POT1: variants seen among roughly 807,000 people sequenced by gnomAD.
POT1 encodes protection of telomeres protein 1.
Under a neutral mutation model 78.5 loss-of-function variants are expected in POT1, and 47 were observed. The ratio of observed to expected loss-of-function variants is 0.60; its 90% CI spans 0.47 to 0.76. POT1 has a LOEUF of 0.76. POT1 is among the 30% of genes least tolerant of loss of function. The pLI is 0.00. For synonymous variants in POT1, 259 were observed against 260.7 expected, an observed-to-expected ratio of 0.99 and a Z score of 0.06; for missense variants, 646 against 749.9, an observed-to-expected ratio of 0.86 and a Z score of 1.62.
chr7:124,922,111 A>G lies in POT1; in HGVS notation c.-226-6465T>C, dbSNP rs542146290. Among the ~76,000 whole-genome samples the G allele has an allele frequency of 2.6e-5, 4 of 152,098 alleles. No individual in the cohort carries two copies. In the East Asian group the frequency reaches 7.7e-4, roughly 29 times the overall value. Reference sequence around the variant, plus strand: ...AGTGGACCGGCATCTCTATAGTCCTAAAAGAAAAAAAAAGTCAACACAGAA... The same window carrying G: ...AGTGGACCGGCATCTCTATAGTCCTGAAAGAAAAAAAAAGTCAACACAGAA... On this transcript the variant is annotated intron_variant, in intron 2 of 18. Coordinates refer to ENST00000357628, the MANE Select transcript of POT1 (RefSeq NM_015450.3).
intron 15 of POT1, among the ~76,000 whole-genome samples, chr7:124,832,007 A>AAAT (rs1554417208): frequency 9.0e-5 from 13 of 143,876 alleles, no homozygotes; most frequent in Admixed American, 1.4e-4. Flanking sequence ...AATAAAAAAA[A>AAAT]AAAAAAAAAA....
In POT1 at chr7:124,859,122, G is replaced by A. The variant is rs1413025095; in HGVS notation, c.547-10C>T. On this transcript the variant is annotated splice_polypyrimidine_tract_variant and intron_variant, in intron 8 of 18. Coordinates refer to ENST00000357628, the MANE Select transcript of POT1 (RefSeq NM_015450.3). Reference sequence around the variant, plus strand: ...TGGTGCCATCCCATACCTGCCATAAGAGAGTAGAGTAGTTTTATGATCCTT... The same window carrying A: ...TGGTGCCATCCCATACCTGCCATAAAAGAGTAGAGTAGTTTTATGATCCTT... 1.3e-6 allele frequency: 2 copies of A among 1,556,826 alleles called. No individual in the cohort carries two copies. Among genetic ancestry groups the A allele is most frequent in the African/African-American group, 1.4e-5 (1 of 73,382 alleles).
At chr7:124,877,968 T>C (rs1356464324) in intron 6 of POT1, among the ~76,000 whole-genome samples, 1 of 150,560 alleles carries the variant, frequency 6.6e-6, no homozygotes, top group Non-Finnish European at 1.5e-5. Flanking sequence ...ATACATGGAA[T>C]CTAAAAAAGT....
At chr7:124,872,486 T>G (rs1352224230) in intron 6 of POT1, among the ~76,000 whole-genome samples, 1 of 152,198 alleles carries the variant, frequency 6.6e-6, no homozygotes, top group Non-Finnish European at 1.5e-5. Context: ...CCCTGCCTGT[T>G]TGTCACTTAG....
intron 15 of POT1, among the ~76,000 whole-genome samples, chr7:124,834,760 T>C (rs1375241113): frequency 6.6e-6 from 1 of 152,140 alleles, no homozygotes; most frequent in Non-Finnish European, 1.5e-5. Flanking sequence ...ACCCAAAGGA[T>C]TATAAATCAT....
At chr7:124,857,080 C>T (rs1349748091) in intron 9 of POT1, among the ~76,000 whole-genome samples, 1 of 151,948 alleles carries the variant, frequency 6.6e-6, no homozygotes, top group Non-Finnish European at 1.5e-5. Context: ...TTTTCTGTAA[C>T]CCAGAACAGT....
rs1236706876 is a variant in POT1 at position 124,822,533 on chromosome 7, C to G, written c.*1429G>C. 1 of 455,888 alleles carries G rather than the reference C, an allele frequency of 2.2e-6. No homozygotes were observed. Among genetic ancestry groups the G allele is most frequent in the Admixed American group, 2.3e-5 (1 of 42,568 alleles). 28.2% of individuals were successfully genotyped at this position (455,888 alleles called of 1,614,324 possible). ...CATATGGCACCTTTGGACCTCTACT[C>G]TTCTAGATTGAGGGCTTCCTGAAGG... On this transcript the variant is annotated 3_prime_UTR_variant, in exon 19 of 19. Transcript: ENST00000357628.
chr7:124,853,229 G>C (rs554756768), intron 9 of POT1, 91 bp from the exon 10 acceptor site: 2 of 944,780 alleles, frequency 2.1e-6, no homozygotes, highest in Admixed American at 2.7e-5. Flanking sequence ...TGGGGCCAAT[G>C]AGGGCACTGA....
chr7:124,847,726 TAGAG>T (rs1795206429), intron 11 of POT1, among the ~76,000 whole-genome samples: 1 of 152,318 alleles, frequency 6.6e-6, no homozygotes, highest in African/African-American at 2.4e-5. Context: ...TTAAATTAAA[TAGAG>T]AGCCTGGAAA....
At chr7:124,929,214 AGT>A (rs1797348447) in intron 1 of POT1, among the ~76,000 whole-genome samples, 1 of 152,204 alleles carries the variant, frequency 6.6e-6, no homozygotes, top group Non-Finnish European at 1.5e-5. Flanking sequence ...AGCTGCGTAA[AGT>A]ACCTCCAAAA....
intron 9 of POT1, 34 bp from the exon 10 acceptor site, chr7:124,853,172 G>A: frequency 6.8e-7 from 1 of 1,470,462 alleles, no homozygotes; most frequent in South Asian, 1.3e-5. Context: ...TTAGAAAGTG[G>A]GGAAAAATTA....
intron 6 of POT1, among the ~76,000 whole-genome samples, chr7:124,891,143 C>T (rs1168057599): frequency 6.6e-6 from 1 of 151,690 alleles, no homozygotes; most frequent in Non-Finnish European, 1.5e-5. Context: ...AATTGTGTTG[C>T]TGTCTATTTC....
At chr7:124,860,863 T>C (rs2116533111) in intron 8 of POT1, among the ~76,000 whole-genome samples, 1 of 152,130 alleles carries the variant, frequency 6.6e-6, no homozygotes, top group South Asian at 2.1e-4. Context: ...CGGTGTTTGG[T>C]TTTCCGTTCT....
chr7:124,899,804 T>C (rs76961962), intron 3 of POT1, among the ~76,000 whole-genome samples: 1 of 152,162 alleles, frequency 6.6e-6, no homozygotes, highest in Non-Finnish European at 1.5e-5. Context: ...AAGTAAATAT[T>C]ATACACCAAA....
chr7:124,875,821 C>T (rs922175910), intron 6 of POT1, among the ~76,000 whole-genome samples: 2 of 152,104 alleles, frequency 1.3e-5, no homozygotes, highest in Admixed American at 1.3e-4. Context: ...TTTCACCATA[C>T]GTTATTCTGG....
chr7:124,893,582 A>G (rs964235737), intron 5 of POT1, among the ~76,000 whole-genome samples: 2 of 151,510 alleles, frequency 1.3e-5, no homozygotes, highest in Non-Finnish European at 3.0e-5. Context: ...AACTATCTGA[A>G]ATCAGTTGAA....
chr7:124,845,852 T>C (rs1795150634), intron 12 of POT1, among the ~76,000 whole-genome samples: 1 of 152,146 alleles, frequency 6.6e-6, no homozygotes, highest in Non-Finnish European at 1.5e-5. Context: ...CTTTACTCAA[T>C]TAGTATTATT....
chr7:124,888,929 CACA>C (rs535606599), intron 6 of POT1, among the ~76,000 whole-genome samples: 3 of 151,886 alleles, frequency 2.0e-5, no homozygotes, highest in Admixed American at 6.6e-5. Context: ...TTCTCTGAAA[CACA>C]ACAATATTGA....
At chr7:124,900,309 T>G (rs922447600) in intron 3 of POT1, among the ~76,000 whole-genome samples, 1 of 152,134 alleles carries the variant, frequency 6.6e-6, no homozygotes, top group South Asian at 2.1e-4. Context: ...ATGTTTCCCA[T>G]CTGTACATAT....
Sources: gnomAD v4.1 joint callset for allele counts (sites outside exome capture counted in the v4.1 genomes callset) on GRCh38, gnomAD v4.1.1 for gene constraint, MANE v1.5 for transcripts, NCBI Gene and HGNC (gene_info 2026-07-23, HGNC 2026-07-21) for gene names.